The following GPR137C variants were observed in gnomAD, a reference collection of about 807,000 sequenced individuals.
The protein encoded by GPR137C is G protein-coupled receptor 137C.
Under a neutral mutation model 43.4 loss-of-function variants are expected in GPR137C, and 27 were observed. That is an observed-to-expected ratio of 0.62 (90% CI 0.46 to 0.86). The LOEUF is 0.86. Ranked by LOEUF, GPR137C falls within the 40% of genes least tolerant of loss-of-function variation. GPR137C has a pLI of 0.00. For synonymous variants in GPR137C, 285 were observed against 226.9 expected (o/e 1.26, Z -2.30); for missense variants, 522 against 534.6 (o/e 0.98, Z 0.23).
chr14:52,553,268 G>T lies in GPR137C; in HGVS notation c.121G>T (p.Val41Leu). The T allele has an allele frequency of 2.1e-6, 3 of 1,436,184 alleles. No homozygotes were observed. The highest frequency in any genetic ancestry group is 2.7e-6 in the Non-Finnish European group (3 of 1,092,346). The allele number at this position is 1,436,184 out of a possible 1,614,324, so 89.0% of individuals were successfully genotyped here. A position where few individuals can be genotyped will look rare whatever the true frequency, so the allele number is the denominator to read the frequency against. ...CGTCGCTGCAGCCTCAGGCGCCGCG[G>T]TGCCGGGCTCCGTGCAGTTGGCGCT... Reference protein sequence around the residue: ...GAVAAASGAAVPGSVQLALSV... With the variant: ...GAVAAASGAALPGSVQLALSV... The change falls in exon 1 of 7, where the codon GTG (valine) becomes TTG (leucine). Residue 41 changes from valine (V) to leucine (L), a missense_variant. By Grantham distance (32) the Val-to-Leu change is conservative. Transcript: ENST00000321662.
At chr14:52,621,690 G>T (rs1419151837) in intron 3 of GPR137C, among the ~76,000 whole-genome samples, 1 of 151,656 alleles carries the variant, frequency 6.6e-6, no homozygotes, top group African/African-American at 2.4e-5. Flanking sequence ...TATATCAAAT[G>T]ATAGGATATT....
At chr14:52,561,222 GA>G (rs2038278615) in intron 1 of GPR137C, among the ~76,000 whole-genome samples, 1 of 152,166 alleles carries the variant, frequency 6.6e-6, no homozygotes, top group African/African-American at 2.4e-5. Flanking sequence ...GGATTAATTG[GA>G]ACTCCTACAC....
chr14:52,591,222 A>G (rs2038779988), intron 1 of GPR137C, among the ~76,000 whole-genome samples: 1 of 152,148 alleles, frequency 6.6e-6, no homozygotes, highest in African/African-American at 2.4e-5. Context: ...TTCTTAATCC[A>G]GTCTATCATT....
intron 2 of GPR137C, among the ~76,000 whole-genome samples, chr14:52,598,969 A>T (rs902930348): frequency 1.3e-5 from 2 of 152,250 alleles, no homozygotes; most frequent in African/African-American, 2.4e-5. Flanking sequence ...TGCTTGTTAC[A>T]GATTGCACAT....
chr14:52,627,498 A>C (rs1276862897), intron 3 of GPR137C, among the ~76,000 whole-genome samples: 1 of 152,212 alleles, frequency 6.6e-6, no homozygotes, highest in African/African-American at 2.4e-5. Flanking sequence ...TGGTTTAAAA[A>C]GAAGACAAGT....
chr14:52,589,807 A>G (rs2038758580), intron 1 of GPR137C, among the ~76,000 whole-genome samples: 1 of 152,226 alleles, frequency 6.6e-6, no homozygotes, highest in Non-Finnish European at 1.5e-5. Flanking sequence ...TAGCCATTGT[A>G]ACGTCATAGC....
At chr14:52,573,251 G>T (rs2139463977) in intron 1 of GPR137C, among the ~76,000 whole-genome samples, 1 of 152,240 alleles carries the variant, frequency 6.6e-6, no homozygotes, top group African/African-American at 2.4e-5. Flanking sequence ...CCAAAAAAGA[G>T]CCCATATAGC....
chr14:52,637,476 T>G lies in GPR137C; in HGVS notation c.*2361T>G, dbSNP rs2139592113. 1 of 152,304 alleles carries G rather than the reference T, an allele frequency of 6.6e-6. No individual in the cohort carries two copies. The highest frequency in any genetic ancestry group is 1.5e-5 in the Non-Finnish European group (1 of 68,004). 9.4% of individuals were successfully genotyped at this position (152,304 alleles called of 1,614,324 possible). On this transcript the variant is annotated 3_prime_UTR_variant, in exon 7 of 7. Transcript: ENST00000321662. ...CATTTCACTTGGGTGGCCATTAATT[T>G]TGAAACCTTTACCACTCATTGTAGT...
At chr14:52,555,419 G>A (rs1346809074) in intron 1 of GPR137C, among the ~76,000 whole-genome samples, 1 of 151,926 alleles carries the variant, frequency 6.6e-6, no homozygotes, top group Non-Finnish European at 1.5e-5. Flanking sequence ...AGCATTTTCC[G>A]TGTCCCAGAA....
chr14:52,629,697 G>A (rs2039272272), intron 3 of GPR137C, among the ~76,000 whole-genome samples: 1 of 152,200 alleles, frequency 6.6e-6, no homozygotes. Flanking sequence ...GTTGATGGAA[G>A]GGGTGTGAGG....
intron 1 of GPR137C, among the ~76,000 whole-genome samples, chr14:52,589,003 A>G (rs2038746816): frequency 1.3e-5 from 2 of 152,234 alleles, no homozygotes; most frequent in African/African-American, 2.4e-5. Flanking sequence ...TGATTGATGA[A>G]TGGATAAGCA....
chr14:52,612,948 A>T (rs1279602865), intron 3 of GPR137C: 2 of 151,940 alleles, frequency 1.3e-5, no homozygotes, highest in African/African-American at 4.8e-5. Flanking sequence ...TATGGGGTAT[A>T]TAAAATATTT....
chr14:52,608,301 A>T (rs2039003982), intron 3 of GPR137C, among the ~76,000 whole-genome samples: 1 of 152,210 alleles, frequency 6.6e-6, no homozygotes, highest in Non-Finnish European at 1.5e-5. Context: ...TGAGGCTTAC[A>T]AAAAATATTC....
intron 3 of GPR137C, among the ~76,000 whole-genome samples, chr14:52,601,509 T>TAGAG (rs1231851785): frequency 6.7e-6 from 1 of 149,750 alleles, no homozygotes; most frequent in African/African-American, 2.5e-5. Flanking sequence ...TATATATATA[T>TAGAG]AGAGAGAGAG....
At chr14:52,601,472 G>T (rs2038922964) in intron 3 of GPR137C, among the ~76,000 whole-genome samples, 2 of 146,856 alleles carry the variant, frequency 1.4e-5, no homozygotes, top group South Asian at 4.6e-4. Flanking sequence ...TGCTGGGGGA[G>T]ATATTATGTG....
chr14:52,569,479 T>A (rs545612013), intron 1 of GPR137C, among the ~76,000 whole-genome samples: 91 of 151,876 alleles, frequency 6.0e-4, no homozygotes, highest in Admixed American at 1.1e-3. Flanking sequence ...AGAAGGTGGA[T>A]AATAACGAAC....
At chr14:52,631,827 T>C (rs947972603) in intron 3 of GPR137C, among the ~76,000 whole-genome samples, 6 of 152,164 alleles carry the variant, frequency 3.9e-5, no homozygotes, top group South Asian at 2.1e-4. Context: ...TTTCTCATTA[T>C]GACTAAACTA....
intron 3 of GPR137C, among the ~76,000 whole-genome samples, chr14:52,631,867 G>T (rs1421780644): frequency 1.3e-5 from 2 of 150,918 alleles, no homozygotes; most frequent in Non-Finnish European, 2.9e-5. Flanking sequence ...TTAAAGTTCA[G>T]ATCTTTTGCC....
At chr14:52,586,803 C>T (rs896040250) in intron 1 of GPR137C, among the ~76,000 whole-genome samples, 2 of 152,112 alleles carry the variant, frequency 1.3e-5, no homozygotes, top group South Asian at 4.1e-4. Flanking sequence ...CAATACATTT[C>T]GTGACCTGGC....
Sources: allele counts gnomAD v4.1 joint callset (sites outside exome capture counted in the v4.1 genomes callset), GRCh38; gene constraint gnomAD v4.1.1; transcripts MANE v1.5; gene names NCBI Gene and HGNC (gene_info 2026-07-23, HGNC 2026-07-21).